FIG4: variants seen among roughly 807,000 people sequenced by gnomAD.
FIG4 encodes the protein FIG4 phosphoinositide 5-phosphatase, also known as polyphosphoinositide phosphatase.
FIG4 carries 112 observed loss-of-function variants against 118.6 expected under a neutral mutation model. The observed-to-expected ratio is 0.94, with a 90% CI of 0.81 to 1.11. The LOEUF (loss-of-function observed/expected upper bound fraction) is 1.11, where lower values mean the gene tolerates loss of function less well. Ranked by LOEUF, FIG4 falls within the 50% of genes least tolerant of loss-of-function variation. FIG4 has a pLI of 0.00. For missense variants in FIG4, 969 were observed against 1,111.7 expected (o/e 0.87, Z 1.83); for synonymous variants, 369 against 381.2 (o/e 0.97, Z 0.37).
At chr6:109,732,829 C>A in intron 5 of FIG4, 142 bp downstream of exon 5, 1 of 576,326 alleles carries the variant, frequency 1.7e-6, no homozygotes, top group Non-Finnish European at 3.1e-6. Flanking sequence ...TAAAATATAG[C>A]TATTTCTTCC....
At chr6:109,715,288 G>A in intron 2 of FIG4, 112 bp downstream of exon 2, 2 of 642,444 alleles carry the variant, frequency 3.1e-6, no homozygotes, top group Non-Finnish European at 5.5e-6. Context: ...AAATCTAAAA[G>A]TTTCCGTTAT....
chr6:109,773,366 T>C (rs1457299819), intron 15 of FIG4, among the ~76,000 whole-genome samples: 3 of 152,192 alleles, frequency 2.0e-5, no homozygotes, highest in African/African-American at 7.2e-5. Flanking sequence ...AATTTCTTCC[T>C]ACCACAGAAA....
intron 22 of FIG4, among the ~76,000 whole-genome samples, chr6:109,802,787 T>C (rs1463292721): frequency 6.6e-6 from 1 of 152,196 alleles, no homozygotes; most frequent in African/African-American, 2.4e-5. Flanking sequence ...ATAAAATAAA[T>C]GCAGGCCTTG....
chr6:109,748,247 G>A (rs1299813971), intron 10 of FIG4, among the ~76,000 whole-genome samples: 1 of 152,144 alleles, frequency 6.6e-6, no homozygotes, highest in Non-Finnish European at 1.5e-5. Context: ...TTGTGAATGA[G>A]TATAAGCACA....
In FIG4 at chr6:109,797,915, A is replaced by AG. The variant is rs376589023; in HGVS notation, c.2546+1064_2546+1065insG. Among the ~76,000 whole-genome samples the AG allele has an allele frequency of 1.5e-3, 227 of 148,128 alleles. 6 individuals are homozygous for AG. The highest frequency in any genetic ancestry group is 1.0e-3 in the Non-Finnish European group (70 of 67,690). Reference sequence around the variant, plus strand: ...CATCTCCAAAAAAAAAAAAAAAAAAATGAGTCACTGTGGAAATTCAGTGAG... The same window carrying AG: ...CATCTCCAAAAAAAAAAAAAAAAAAAGTGAGTCACTGTGGAAATTCAGTGAG... On this transcript the variant is annotated intron_variant, in intron 22 of 22. Transcript: ENST00000230124.
rs564177766 is a variant in FIG4, at chr6:109,703,771, T to C, written c.67-11307T>C. Among the ~76,000 whole-genome samples the C allele has an allele frequency of 2.6e-5, 4 of 152,292 alleles. No homozygotes were observed. The South Asian group carries it at 8.3e-4, about 32-fold the overall frequency. On this transcript the variant is annotated intron_variant, in intron 1 of 22. Transcript: ENST00000230124. ...GATGCTCTGTCCTTATCGACTTGAC[T>C]TCTCAGCAGCATCTGATGTGACTGC...
intron 15 of FIG4, among the ~76,000 whole-genome samples, chr6:109,771,365 T>C (rs2128393612): frequency 6.6e-6 from 1 of 152,062 alleles, no homozygotes; most frequent in East Asian, 1.9e-4. Context: ...TAACTTGTCC[T>C]CTCTCCTTAA....
At chr6:109,731,370 A>G (rs1203979581) in intron 4 of FIG4, among the ~76,000 whole-genome samples, 1 of 152,196 alleles carries the variant, frequency 6.6e-6, no homozygotes, top group East Asian at 1.9e-4. Context: ...GCACATGTGT[A>G]TGGGAAAACA....
At chr6:109,721,054 C>T (rs117565635) in intron 3 of FIG4, among the ~76,000 whole-genome samples, 102 of 152,212 alleles carry the variant, frequency 6.7e-4, no homozygotes, top group Middle Eastern at 3.4e-3. Context: ...CTTTTTCTGC[C>T]ACTGTCGTCT....
At chr6:109,770,140 A>G (rs571520952) in intron 15 of FIG4, among the ~76,000 whole-genome samples, 1 of 152,182 alleles carries the variant, frequency 6.6e-6, no homozygotes, top group African/African-American at 2.4e-5. Flanking sequence ...GAGTTGGAGG[A>G]TGCTTTACAG....
intron 3 of FIG4, among the ~76,000 whole-genome samples, chr6:109,725,993 A>G (rs999286657): frequency 1.3e-5 from 2 of 152,062 alleles, no homozygotes; most frequent in Admixed American, 6.5e-5. Flanking sequence ...TAGATTCTGG[A>G]TATTAGCCCT....
At chr6:109,740,744 TAAGG>T (rs2128386514) in intron 7 of FIG4, among the ~76,000 whole-genome samples, 1 of 152,196 alleles carries the variant, frequency 6.6e-6, no homozygotes, top group African/African-American at 2.4e-5. Context: ...CTTGGAAGAC[TAAGG>T]AAGGTGTATT....
At chr6:109,761,300 C>G (rs984194803) in intron 11 of FIG4, among the ~76,000 whole-genome samples, 1 of 152,180 alleles carries the variant, frequency 6.6e-6, no homozygotes, top group Non-Finnish European at 1.5e-5. Context: ...AAGCGATTCT[C>G]CTGTCTCAGC....
chr6:109,734,357 C>T (rs1244619775), intron 5 of FIG4, among the ~76,000 whole-genome samples: 1 of 150,680 alleles, frequency 6.6e-6, no homozygotes, highest in African/African-American at 2.4e-5. Context: ...AATATATATA[C>T]ACACACACAC....
chr6:109,692,857 T>A (rs1407093433), intron 1 of FIG4, among the ~76,000 whole-genome samples: 1 of 152,118 alleles, frequency 6.6e-6, no homozygotes, highest in African/African-American at 2.4e-5. Flanking sequence ...TGTGACACCA[T>A]GACCGGCTAA....
chr6:109,792,251 A>G (rs1778156495), intron 20 of FIG4, among the ~76,000 whole-genome samples: 1 of 152,262 alleles, frequency 6.6e-6, no homozygotes, highest in African/African-American at 2.4e-5. Context: ...AGCAGAGCTG[A>G]GTATTTGCAA....
chr6:109,813,318 A>G (rs559587301), intron 22 of FIG4, among the ~76,000 whole-genome samples: 8 of 152,304 alleles, frequency 5.3e-5, no homozygotes, highest in African/African-American at 2.4e-5. Flanking sequence ...AAATCACAAT[A>G]CAATCAGGAA....
intron 3 of FIG4, among the ~76,000 whole-genome samples, chr6:109,724,543 A>T (rs2128383337): frequency 6.6e-6 from 1 of 152,194 alleles, no homozygotes; most frequent in Non-Finnish European, 1.5e-5. Flanking sequence ...CTCACTCTGA[A>T]ATTGTCTCCC....
intron 1 of FIG4, among the ~76,000 whole-genome samples, chr6:109,713,396 A>G (rs1022572445): frequency 1.3e-5 from 2 of 152,164 alleles, no homozygotes; most frequent in Non-Finnish European, 2.9e-5. Flanking sequence ...TGGTAGGTGC[A>G]GGTCTATATA....
Sources: gnomAD v4.1 joint callset for allele counts (sites outside exome capture counted in the v4.1 genomes callset) on GRCh38, gnomAD v4.1.1 for gene constraint, MANE v1.5 for transcripts, NCBI Gene and HGNC (gene_info 2026-07-23, HGNC 2026-07-21) for gene names.